The following MIGA1 variants were observed in gnomAD, a reference collection of about 807,000 sequenced individuals.
The protein encoded by MIGA1 is family with sequence similarity 73, member A.
In MIGA1, 58 loss-of-function variants were observed where a neutral mutation model predicts 82.0. That is an observed-to-expected ratio of 0.71 (90% confidence interval 0.57 to 0.88). MIGA1 has a LOEUF of 0.88. Among genes scored for constraint, MIGA1 ranks in the 40% least tolerant of loss-of-function variants. The pLI, the probability that MIGA1 is intolerant of heterozygous loss-of-function variation, is 0.00. For synonymous variants in MIGA1, 249 were observed against 253.6 expected (o/e 0.98, Z 0.17); for missense variants, 751 against 749.1 (o/e 1.00, Z -0.03).
At chr1:77,799,968 T>C (rs1682810353) in intron 2 of MIGA1, among the ~76,000 whole-genome samples, 1 of 152,194 alleles carries the variant, frequency 6.6e-6, no homozygotes, top group African/African-American at 2.4e-5. Context: ...GAATCTTAAG[T>C]CGAAAGCTTA....
chr1:77,783,277 T>C lies in MIGA1; in HGVS notation c.121T>C (p.Ser41Pro), dbSNP rs1437562867. 3 of 1,594,818 alleles carry C rather than the reference T, an allele frequency of 1.9e-6. No individual in the cohort carries two copies. Among genetic ancestry groups the C allele is most frequent in the African/African-American group, 1.3e-5 (1 of 74,878 alleles). ...CATGTCAGAAGAAACAGTAAGTGAA[T>C]CACAGTTTTCCTTGAAGACAGCAGC... The change falls in exon 2 of 16, where the codon TCA becomes CCA. Residue 41 changes from serine to proline, a missense_variant. Transcript: ENST00000370791.
At chr1:77,869,684 G>A (rs1685837326) in intron 14 of MIGA1, among the ~76,000 whole-genome samples, 1 of 125,774 alleles carries the variant, frequency 8.0e-6, no homozygotes, top group African/African-American at 3.1e-5. Flanking sequence ...CGGGGCGGCC[G>A]GCTGGGCGGG....
At chr1:77,851,106 G>A (rs1685031356) in intron 8 of MIGA1, among the ~76,000 whole-genome samples, 1 of 152,094 alleles carries the variant, frequency 6.6e-6, no homozygotes, top group Non-Finnish European at 1.5e-5. Flanking sequence ...CTGACCCTCA[G>A]ATGATCCACC....
chr1:77,854,862 A>C (rs1685185992), intron 8 of MIGA1, among the ~76,000 whole-genome samples: 1 of 152,130 alleles, frequency 6.6e-6, no homozygotes, highest in Admixed American at 6.6e-5. Context: ...TTACTCTGTC[A>C]ACTGGTCCTT....
At chr1:77,843,230 A>C in intron 7 of MIGA1, 77 bp from the exon 8 acceptor site, 6 of 1,080,074 alleles carry the variant, frequency 5.6e-6, no homozygotes, top group East Asian at 2.4e-5. Flanking sequence ...GGAAAAATCA[A>C]AATCAAACTA....
chr1:77,794,355 A>C (rs555749865), intron 2 of MIGA1, among the ~76,000 whole-genome samples: 49 of 152,228 alleles, frequency 3.2e-4, no homozygotes, highest in African/African-American at 1.1e-3. Flanking sequence ...TTTAGTTGTC[A>C]GGTTTCCTTA....
At chr1:77,865,063 A>G (rs1174817704) in intron 13 of MIGA1, among the ~76,000 whole-genome samples, 1 of 151,948 alleles carries the variant, frequency 6.6e-6, no homozygotes, top group Non-Finnish European at 1.5e-5. Context: ...CATGTTCTCC[A>G]TTTCTGTAAC....
chr1:77,779,895 A>C, intron 1 of MIGA1, 159 bp downstream of exon 1: 1 of 1,423,184 alleles, frequency 7.0e-7, no homozygotes, highest in Non-Finnish European at 9.2e-7. Flanking sequence ...GGAAAGCCAG[A>C]GGGTCTACGG....
At chr1:77,836,133 T>C (rs1684415546) in intron 7 of MIGA1, among the ~76,000 whole-genome samples, 1 of 151,978 alleles carries the variant, frequency 6.6e-6, no homozygotes, top group African/African-American at 2.4e-5. Flanking sequence ...AATATGTAAG[T>C]GTTTGTTATG....
chr1:77,871,123 GA>G, intron 14 of MIGA1, among the ~76,000 whole-genome samples: 2 of 7,814 alleles, frequency 2.6e-4, no homozygotes, highest in South Asian at 0.016. Context: ...GGGAGAGGGA[GA>G]GGAGGGAGAG....
intron 2 of MIGA1, among the ~76,000 whole-genome samples, chr1:77,792,983 G>T (rs191371662): frequency 1.3e-5 from 2 of 151,916 alleles, no homozygotes; most frequent in Non-Finnish European, 2.9e-5. Context: ...TAGAGACGGG[G>T]TTTTACCACG....
intron 7 of MIGA1, among the ~76,000 whole-genome samples, chr1:77,840,313 T>A (rs189718976): frequency 4.1e-4 from 62 of 152,286 alleles, no homozygotes; most frequent in African/African-American, 1.4e-3. Flanking sequence ...TTAGATTTTT[T>A]AAAAAATAAA....
At chr1:77,787,757 A>C (rs1351953729) in intron 2 of MIGA1, among the ~76,000 whole-genome samples, 3 of 150,334 alleles carry the variant, frequency 2.0e-5, no homozygotes, top group Non-Finnish European at 4.4e-5. Flanking sequence ...CTGGATATTA[A>C]TTCCTTGTTA....
At chr1:77,792,171 G>T (rs1428244459) in intron 2 of MIGA1, among the ~76,000 whole-genome samples, 1 of 152,094 alleles carries the variant, frequency 6.6e-6, no homozygotes, top group African/African-American at 2.4e-5. Flanking sequence ...TGAGGGAAGG[G>T]GTTTAAAAAG....
chr1:77,802,974 C>G (rs541243982), intron 3 of MIGA1, among the ~76,000 whole-genome samples: 2 of 152,054 alleles, frequency 1.3e-5, no homozygotes, highest in East Asian at 3.9e-4. Context: ...ACATAGTCAC[C>G]AGTATTTTTA....
chr1:77,832,881 C>G (rs1173044355), intron 7 of MIGA1, among the ~76,000 whole-genome samples: 7 of 152,126 alleles, frequency 4.6e-5, no homozygotes, highest in African/African-American at 1.7e-4. Flanking sequence ...ATTTTTGTTG[C>G]TGCTCCTTTA....
At chr1:77,802,502 G>A (rs954953122) in intron 3 of MIGA1, among the ~76,000 whole-genome samples, 1 of 152,194 alleles carries the variant, frequency 6.6e-6, no homozygotes, top group Non-Finnish European at 1.5e-5. Flanking sequence ...TGTGCAGCAT[G>A]GTGACTCGTT....
In MIGA1 at chr1:77,813,752, A is replaced by G. The variant is rs1204165327; in HGVS notation, c.656A>G (p.Glu219Gly). 11 of 1,614,136 alleles carry G rather than the reference A, an allele frequency of 6.8e-6. No individual in the cohort carries two copies. The highest frequency in any genetic ancestry group is 9.3e-6 in the Non-Finnish European group (11 of 1,179,998). The change falls in exon 6 of 16, where the codon GAG becomes GGG. Residue 219 changes from glutamate (E) to glycine (G), a missense_variant. Transcript: ENST00000370791. ...TTTTTAGGTATGGAATTGTTTGAAG[A>G]GGCATTGCGTCGATGGGAACAAGCT...
chr1:77,807,553 G>A (rs926858956), intron 5 of MIGA1, among the ~76,000 whole-genome samples: 5 of 152,038 alleles, frequency 3.3e-5, no homozygotes, highest in African/African-American at 7.3e-5. Context: ...TCTTCATAAC[G>A]TCATACATTG....
Sources: allele counts gnomAD v4.1 joint callset (sites outside exome capture counted in the v4.1 genomes callset), GRCh38; gene constraint gnomAD v4.1.1; transcripts MANE v1.5; gene names NCBI Gene and HGNC (gene_info 2026-07-23, HGNC 2026-07-21).